The following MORN1 variants were observed in gnomAD, a reference collection of about 807,000 sequenced individuals.
The protein encoded by MORN1 is MORN repeat containing 1.
Under a neutral mutation model 61.9 loss-of-function variants are expected in MORN1, and 67 were observed. The observed-to-expected ratio is 1.08, with a 90% CI of 0.89 to 1.33. MORN1 has a LOEUF of 1.33. Among genes scored for constraint, MORN1 ranks in the 40% most tolerant of loss-of-function variants. The pLI, the probability that MORN1 is intolerant of heterozygous loss-of-function variation, is 0.00. For synonymous variants in MORN1, 301 were observed against 292.0 expected, an observed-to-expected ratio of 1.03 and a Z score of -0.31; for missense variants, 752 against 691.2, an observed-to-expected ratio of 1.09 and a Z score of -0.99.
intron 2 of MORN1, among the ~76,000 whole-genome samples, chr1:2,389,020 G>A (rs1390865631): frequency 6.6e-6 from 1 of 151,014 alleles, no homozygotes; most frequent in African/African-American, 2.4e-5. Flanking sequence ...GCTGAGGCAG[G>A]AGAATCACTT....
chr1:2,353,454 GA>G (rs1641694018), intron 10 of MORN1, among the ~76,000 whole-genome samples: 1 of 152,252 alleles, frequency 6.6e-6, no homozygotes, highest in Admixed American at 6.5e-5. Context: ...CTGACTGAGA[GA>G]GGGTCTCCGG....
chr1:2,358,707 C>A lies in MORN1; in HGVS notation c.754G>T (p.Gly252Cys). Residue 252 changes from glycine (G) to cysteine (C), a missense_variant, in exon 9 of 14, where the codon GGC becomes TGC. Gly to Cys is a radical substitution (Grantham distance 159, BLOSUM62 -3). Transcript: ENST00000378531. Reference protein sequence around the residue: ...DHGEIAKSESGRVLQISAGVR... With the variant: ...DHGEIAKSESCRVLQISAGVR... ...CCCGCTGAGATCTGCAGGACCCGGCCGCTCTCGCCTTCCAGGAGAGAGGAG... is the reference window on the plus strand; with the variant it reads ...CCCGCTGAGATCTGCAGGACCCGGCAGCTCTCGCCTTCCAGGAGAGAGGAG... 2 of 1,610,922 alleles carry A rather than the reference C, an allele frequency of 1.2e-6. No homozygotes were observed. Among genetic ancestry groups the A allele is most frequent in the Non-Finnish European group, 1.7e-6 (2 of 1,178,370 alleles).
At chr1:2,339,180 C>T (rs576040239) in intron 10 of MORN1, among the ~76,000 whole-genome samples, 5 of 152,278 alleles carry the variant, frequency 3.3e-5, no homozygotes, top group African/African-American at 4.8e-5. Flanking sequence ...AGGGGAGGGT[C>T]GTCCCCAGCC....
At chr1:2,358,911 G>T (rs572010867) in intron 8 of MORN1, among the ~76,000 whole-genome samples, 196 bp from the exon 9 acceptor site, 181 of 152,282 alleles carry the variant, frequency 1.2e-3, no homozygotes, top group African/African-American at 4.2e-3. Context: ...CCCTGCAGAA[G>T]TTTCCCAGCC....
chr1:2,359,637 C>T (rs1412367015), intron 8 of MORN1, among the ~76,000 whole-genome samples: 1 of 152,154 alleles, frequency 6.6e-6, no homozygotes, highest in Non-Finnish European at 1.5e-5. Flanking sequence ...CATCCCAGCA[C>T]TTTGGGAGGC....
intron 12 of MORN1, among the ~76,000 whole-genome samples, chr1:2,324,710 C>A (rs2100218854): frequency 6.6e-6 from 1 of 152,236 alleles, no homozygotes; most frequent in Middle Eastern, 3.4e-3. Flanking sequence ...GCCGGGGCCT[C>A]CCCGTGGAGA....
intron 10 of MORN1, among the ~76,000 whole-genome samples, chr1:2,340,978 C>T (rs556452691): frequency 8.4e-4 from 128 of 152,400 alleles, no homozygotes; most frequent in Middle Eastern, 3.4e-3. Context: ...CACGAGACCA[C>T]GACGCGGGCT....
At chr1:2,358,761 A>T in intron 8 of MORN1, 46 bp from the exon 9 acceptor site, 1 of 1,576,692 alleles carries the variant, frequency 6.3e-7, no homozygotes, top group Admixed American at 1.8e-5. Flanking sequence ...AGGCACCCAG[A>T]AGCGGGGTGC....
intron 10 of MORN1, chr1:2,355,549 C>T: frequency 6.8e-7 from 1 of 1,461,916 alleles, no homozygotes; most frequent in Non-Finnish European, 9.3e-7. Context: ...GGGGCACGGG[C>T]ATGGAGGTGG....
rs914124193 is a variant in MORN1, at chr1:2,322,400, A to G, written c.1298-821T>C. The G allele has an allele frequency of 9.1e-6, 9 of 985,222 alleles. No homozygotes were observed. In the South Asian group the frequency reaches 4.2e-4, roughly 46 times the overall value. The allele number at this position is 985,222 out of a possible 1,614,324, so 61.0% of individuals were successfully genotyped here. A position where few individuals can be genotyped will look rare whatever the true frequency, so the allele number is the denominator to read the frequency against. The stretch of plus-strand genomic sequence containing the variant: ...GGCTCACACCGCAAGGCAGAGCAAC[A>G]TTCCAGACGCCGGCCTGGAAAACAG... On this transcript the variant is annotated intron_variant, in intron 13 of 13. Transcript: ENST00000378531.
chr1:2,358,501 G>T, intron 9 of MORN1, 91 bp downstream of exon 9: 4 of 1,537,406 alleles, frequency 2.6e-6, no homozygotes, highest in Non-Finnish European at 1.8e-6. Context: ...CTTAGCCCAG[G>T]TCTCTAGGGA....
chr1:2,364,918 A>G (rs1313002248), intron 8 of MORN1, among the ~76,000 whole-genome samples: 2 of 152,208 alleles, frequency 1.3e-5, no homozygotes, highest in East Asian at 1.9e-4. Flanking sequence ...CCATTGATCT[A>G]TATTTCTGTT....
intron 3 of MORN1, 98 bp downstream of exon 3, chr1:2,388,141 G>T: frequency 1.1e-6 from 1 of 945,202 alleles, no homozygotes; most frequent in South Asian, 1.4e-5. Context: ...AAAGCTTCCC[G>T]TCTACACGTC....
At chr1:2,382,127 A>G (rs1642385786) in intron 6 of MORN1, among the ~76,000 whole-genome samples, 1 of 152,182 alleles carries the variant, frequency 6.6e-6, no homozygotes, top group Non-Finnish European at 1.5e-5. Flanking sequence ...TGGGGAGGAC[A>G]AAGCTGTCCA....
intron 8 of MORN1, among the ~76,000 whole-genome samples, chr1:2,363,805 C>CAAACA (rs140866260): frequency 0.072 from 9,016 of 124,460 alleles, 447 homozygotes; most frequent in East Asian, 0.2. Flanking sequence ...AACAAACAAA[C>CAAACA]AAAAAAATAT....
At chr1:2,352,082 A>G in intron 10 of MORN1, 1 of 510,598 alleles carries the variant, frequency 2.0e-6, no homozygotes, top group Non-Finnish European at 3.7e-6. Flanking sequence ...CATCTCAGTC[A>G]CTTTTTCCCC....
chr1:2,355,554 A>G, intron 10 of MORN1: 1 of 1,423,520 alleles, frequency 7.0e-7, no homozygotes, highest in Non-Finnish European at 9.6e-7. Flanking sequence ...ACGGGCATGG[A>G]GGTGGCCCTG....
At chr1:2,323,684 C>T (rs1640933311) in intron 13 of MORN1, 16 of 985,272 alleles carry the variant, frequency 1.6e-5, no homozygotes, top group Middle Eastern at 5.2e-4. Context: ...GAGCCTTCCG[C>T]CCAGCCCAGG....
chr1:2,331,245 C>T (rs1331927306), intron 12 of MORN1, among the ~76,000 whole-genome samples: 1 of 152,148 alleles, frequency 6.6e-6, no homozygotes, highest in East Asian at 1.9e-4. Flanking sequence ...CTCGTGCAGC[C>T]TCCCCAGAGC....
Sources: allele counts gnomAD v4.1 joint callset (sites outside exome capture counted in the v4.1 genomes callset), GRCh38; gene constraint gnomAD v4.1.1; transcripts MANE v1.5; gene names NCBI Gene and HGNC (gene_info 2026-07-23, HGNC 2026-07-21).